The following PDE5A variants were observed in gnomAD, a reference collection of about 807,000 sequenced individuals.
PDE5A encodes the protein phosphodiesterase 5A.
PDE5A carries 67 observed loss-of-function variants against 110.2 expected under a neutral mutation model. That is an observed-to-expected ratio of 0.61 (90% confidence interval 0.50 to 0.75). The LOEUF is 0.75. Ranked by LOEUF, PDE5A falls within the 30% of genes least tolerant of loss-of-function variation. The pLI is 0.00. For synonymous variants in PDE5A, 328 were observed against 351.2 expected (o/e 0.93, Z 0.74); for missense variants, 862 against 1,045.1 (o/e 0.82, Z 2.42).
intron 20 of PDE5A, chr4:119,500,365 G>C (rs924189627): frequency 6.6e-6 from 1 of 151,102 alleles, no homozygotes; most frequent in Non-Finnish European, 1.5e-5. Flanking sequence ...GAGAATCCTG[G>C]AGTAGGAGTG....
rs1725183688 is a variant in PDE5A, at chr4:119,498,748, A to G, written c.2491-10T>C. On this transcript the variant is annotated splice_polypyrimidine_tract_variant and intron_variant, in intron 20 of 20. Coordinates refer to ENST00000354960, the MANE Select transcript of PDE5A (RefSeq NM_001083.4). ...ACACGTGGGTCAGGGCCTAAAGAGA[A>G]AAAAGAAAGCAAACAGCTAGAGAGA... The G allele has an allele frequency of 6.2e-7, 1 of 1,613,606 alleles. No individual in the cohort carries two copies. The highest frequency in any genetic ancestry group is 1.3e-5 in the African/African-American group (1 of 74,896).
intron 11 of PDE5A, among the ~76,000 whole-genome samples, chr4:119,534,345 C>A (rs1726654837): frequency 1.3e-5 from 2 of 152,000 alleles, no homozygotes; most frequent in Non-Finnish European, 2.9e-5. Flanking sequence ...GCTCTGCCTC[C>A]TGTCAGATCA....
In PDE5A at chr4:119,606,896, T is replaced by C. The variant is rs1303618226; in HGVS notation, c.554A>G (p.Tyr185Cys). The C allele has an allele frequency of 3.7e-6, 6 of 1,614,120 alleles. No homozygotes were observed. The Admixed American group carries it at 8.3e-5, about 22-fold the overall frequency. The change falls in exon 2 of 21, where the codon TAT becomes TGT. Residue 185 changes from tyrosine to cysteine, a missense_variant. Transcript: ENST00000354960. Reference sequence around the variant, plus strand: ...GTCTTCACAGACAAGGAACAGGGAATAGCGGTCAGCAGATATCAGTCCATG... The same window carrying C: ...GTCTTCACAGACAAGGAACAGGGAACAGCGGTCAGCAGATATCAGTCCATG... ...HIHGLISADRYSLFLVCEDSS... is the reference protein window; with the variant it reads ...HIHGLISADRCSLFLVCEDSS...
Position 119,607,313 on chromosome 4 carries a change from T to C in PDE5A, c.153-16A>G. 1 of 1,549,398 alleles carries C rather than the reference T, an allele frequency of 6.5e-7. No individual in the cohort carries two copies. Among genetic ancestry groups the C allele is most frequent in the Non-Finnish European group, 8.8e-7 (1 of 1,132,394 alleles). ...GACCATTTCTCTGCAGAACAGAACG[T>C]GCAGACACATTAGATACTTGAAGAG... On this transcript the variant is annotated splice_polypyrimidine_tract_variant and intron_variant, in intron 1 of 20. Coordinates refer to ENST00000354960, the MANE Select transcript of PDE5A (RefSeq NM_001083.4).
Position 119,542,621 on chromosome 4 carries a change from A to G in PDE5A, c.1410T>C (p.Leu470=), listed in dbSNP as rs1324120137. ...CAGTATTCTCCTCCATCTTATTAAC[A>G]AGTTGGCAAACCCCTATAACAATCC... ...KKNKVIGVCQ[L]VNKMEENTGK... is the part of the protein sequence containing the mutation. Residue 470 remains leucine (L), a synonymous_variant, in exon 10 of 21, where the codon CTT becomes CTC. Transcript: ENST00000354960. 6.2e-6 allele frequency: 10 copies of G among 1,613,684 alleles called. No individual in the cohort carries two copies. Among genetic ancestry groups the G allele is most frequent in the Non-Finnish European group, 8.5e-6 (10 of 1,179,740 alleles).
intron 15 of PDE5A, among the ~76,000 whole-genome samples, chr4:119,510,586 T>C (rs1394389653): frequency 6.6e-6 from 1 of 152,084 alleles, no homozygotes; most frequent in Non-Finnish European, 1.5e-5. Flanking sequence ...TAGCATATGC[T>C]TTCTTATGTT....
rs112443561 is a variant in PDE5A, at chr4:119,513,952, G to A, written c.2001-2818C>T. 5.8e-3 allele frequency among the ~76,000 whole-genome samples: 877 copies of A among 152,200 alleles called. 13 individuals carry two copies. Among genetic ancestry groups the A allele is most frequent in the African/African-American group, 0.019 (805 of 41,538 alleles). Reference sequence around the variant, plus strand: ...ATGAATCCATAACAGAGTGACAAATGACTCGAATTTCCTGTATATAAAAAC... The same window carrying A: ...ATGAATCCATAACAGAGTGACAAATAACTCGAATTTCCTGTATATAAAAAC... On this transcript the variant is annotated intron_variant, in intron 14 of 20. Transcript: ENST00000354960.
chr4:119,520,113 A>G (rs1726070608), intron 13 of PDE5A, among the ~76,000 whole-genome samples: 2 of 152,166 alleles, frequency 1.3e-5, no homozygotes, highest in Admixed American at 1.3e-4. Context: ...AAGGTAGGAA[A>G]ATACTACTAT....
At chr4:119,575,202 A>G (rs1578790301) in intron 3 of PDE5A, among the ~76,000 whole-genome samples, 1 of 152,248 alleles carries the variant, frequency 6.6e-6, no homozygotes, top group African/African-American at 2.4e-5. Context: ...GACCAAATCT[A>G]TGTCTGACTG....
intron 1 of PDE5A, among the ~76,000 whole-genome samples, chr4:119,617,760 GA>G (rs1190383345): frequency 6.6e-6 from 1 of 152,080 alleles, no homozygotes; most frequent in Non-Finnish European, 1.5e-5. Context: ...AAAATCCTTT[GA>G]AAATATACTG....
intron 15 of PDE5A, among the ~76,000 whole-genome samples, chr4:119,507,956 C>G (rs1725611732): frequency 6.6e-6 from 1 of 151,784 alleles, no homozygotes; most frequent in Non-Finnish European, 1.5e-5. Context: ...CTCCTTAAGC[C>G]TTAGTCCAGA....
intron 3 of PDE5A, among the ~76,000 whole-genome samples, chr4:119,575,467 C>A (rs9762527): frequency 0.76 from 115,377 of 152,112 alleles, 44,099 homozygotes; most frequent in East Asian, 0.89. Context: ...AGGGAAGCCC[C>A]TCAGACTAAC....
chr4:119,617,351 T>C (rs1410159699), intron 1 of PDE5A, among the ~76,000 whole-genome samples: 1 of 152,130 alleles, frequency 6.6e-6, no homozygotes, highest in East Asian at 1.9e-4. Context: ...GCATTTCAAA[T>C]ATAATTAGCT....
chr4:119,587,290 C>A (rs1256586655), intron 3 of PDE5A, among the ~76,000 whole-genome samples: 3 of 151,778 alleles, frequency 2.0e-5, no homozygotes, highest in Admixed American at 6.6e-5. Flanking sequence ...GCAACCTCCA[C>A]CTCCCTGGTT....
intron 1 of PDE5A, among the ~76,000 whole-genome samples, chr4:119,607,871 G>A (rs775205162): frequency 2.6e-4 from 39 of 152,118 alleles, no homozygotes; most frequent in Admixed American, 1.3e-4. Context: ...CATAAAGTCT[G>A]CTTCTCTCAA....
At chr4:119,606,606 T>A (rs1729537391) in intron 2 of PDE5A, 103 bp downstream of exon 2, 1 of 729,680 alleles carries the variant, frequency 1.4e-6, no homozygotes, top group South Asian at 1.8e-5. Context: ...GTTTCAAATA[T>A]CCCCACCATT....
intron 11 of PDE5A, among the ~76,000 whole-genome samples, chr4:119,529,292 T>C (rs2110476763): frequency 6.6e-6 from 1 of 152,268 alleles, no homozygotes; most frequent in Non-Finnish European, 1.5e-5. Flanking sequence ...TAACTTTTTT[T>C]ATGTCTCAGC....
In PDE5A at chr4:119,495,508, G is replaced by T. The variant is rs1388486838; in HGVS notation, c.*3093C>A. The T allele has an allele frequency of 1.3e-5, 2 of 152,404 alleles. No homozygotes were observed. The highest frequency in any genetic ancestry group is 2.9e-5 in the Non-Finnish European group (2 of 67,990). The allele number at this position is 152,404 out of a possible 1,614,324, so 9.4% of individuals were successfully genotyped here. ...GGAGTACAATCTGGTGAAAAACACA[G>T]AAAAAAATTGTAGATCAAATTGGAA... is the stretch of plus-strand genomic sequence containing the variant. On this transcript the variant is annotated 3_prime_UTR_variant, in exon 21 of 21. Coordinates refer to ENST00000354960, the MANE Select transcript of PDE5A (RefSeq NM_001083.4).
chr4:119,616,237 C>T (rs1032482454), intron 1 of PDE5A, among the ~76,000 whole-genome samples: 4 of 152,128 alleles, frequency 2.6e-5, no homozygotes, highest in African/African-American at 9.7e-5. Flanking sequence ...TTATTTCAAA[C>T]TTGCATATTC....
Sources: gnomAD v4.1 joint callset for allele counts (sites outside exome capture counted in the v4.1 genomes callset) on GRCh38, gnomAD v4.1.1 for gene constraint, MANE v1.5 for transcripts, NCBI Gene and HGNC (gene_info 2026-07-23, HGNC 2026-07-21) for gene names.